CAMK2A: variants seen among roughly 807,000 people sequenced by gnomAD.
The protein encoded by CAMK2A is calcium/calmodulin-dependent protein kinase type II subunit alpha.
In CAMK2A, 7 loss-of-function variants were observed where a neutral mutation model predicts 79.2. The ratio of observed to expected loss-of-function variants is 0.09; its 90% CI spans 0.05 to 0.17. CAMK2A has a LOEUF of 0.17. CAMK2A is among the 10% of genes least tolerant of loss of function. The pLI, the probability that CAMK2A is intolerant of heterozygous loss-of-function variation, is 1.00. For missense variants in CAMK2A, 214 were observed against 646.4 expected (o/e 0.33, Z 7.25); for synonymous variants, 242 against 251.7 (o/e 0.96, Z 0.36).
At chr5:150,253,651 C>CCCGGCCCT in intron 6 of CAMK2A, 105 bp from the exon 7 acceptor site, 1 of 996,246 alleles carries the variant, frequency 1.0e-6, no homozygotes, top group Non-Finnish European at 1.6e-6. Flanking sequence ...GGAAGAACAG[C>CCCGGCCCT]CCGGCCCTCC....
intron 1 of CAMK2A, among the ~76,000 whole-genome samples, chr5:150,283,394 A>T (rs1330528885): frequency 2.0e-5 from 3 of 152,102 alleles, no homozygotes; most frequent in Non-Finnish European, 4.4e-5. Context: ...TTTAAGATAG[A>T]GACAAGGTCT....
rs186348077 is a variant in CAMK2A at position 150,250,778 on chromosome 5, C to T, written c.726G>A (p.Pro242=). The change falls in exon 10 of 19, where the codon CCG becomes CCA. Residue 242 remains proline, a synonymous_variant. Coordinates refer to ENST00000671881, the MANE Select transcript of CAMK2A (RefSeq NM_015981.4). ...FPSPEWDTVT[P]EAKDLINKML... ...TCTTATTGATCAGATCCTTGGCTTCCGGGGTGACAGTGTCCCATTCCGGCG... is the reference window on the plus strand; with the variant it reads ...TCTTATTGATCAGATCCTTGGCTTCTGGGGTGACAGTGTCCCATTCCGGCG... The T allele has an allele frequency of 6.3e-5, 101 of 1,614,040 alleles. 1 individual carries two copies. In the East Asian group the frequency reaches 1.3e-3, roughly 21 times the overall value.
chr5:150,222,461 C>T lies in CAMK2A; in HGVS notation c.*249G>A. ...GGGGCCAGTGCTGTGGACACCCATG[C>T]CTGAGGAAGCCCCAGCCTGGCAGGG... On this transcript the variant is annotated 3_prime_UTR_variant, in exon 19 of 19. Coordinates refer to ENST00000671881, the MANE Select transcript of CAMK2A (RefSeq NM_015981.4). The T allele has an allele frequency of 1.4e-6, 1 of 701,210 alleles. No individual in the cohort carries two copies. Among genetic ancestry groups the T allele is most frequent in the South Asian group, 1.5e-5 (1 of 67,168 alleles). 43.4% of individuals were successfully genotyped at this position (701,210 alleles called of 1,614,324 possible). A position where few individuals can be genotyped will look rare whatever the true frequency, so the allele number is the denominator to read the frequency against.
chr5:150,235,438 A>G (rs982312173), intron 15 of CAMK2A, among the ~76,000 whole-genome samples: 2 of 152,260 alleles, frequency 1.3e-5, no homozygotes, highest in Non-Finnish European at 2.9e-5. Flanking sequence ...GCTCCCCTAC[A>G]GATGGGAAAG....
chr5:150,261,064 G>A (rs1487421683), intron 3 of CAMK2A, among the ~76,000 whole-genome samples: 4 of 148,406 alleles, frequency 2.7e-5, no homozygotes, highest in Non-Finnish European at 4.5e-5. Flanking sequence ...CTGACCCAGG[G>A]CCTCAGCCCC....
At chr5:150,239,815 G>C in intron 13 of CAMK2A, 79 bp from the exon 14 acceptor site, 1 of 1,256,656 alleles carries the variant, frequency 8.0e-7, no homozygotes, top group Non-Finnish European at 1.2e-6. Context: ...CGACAGGGGA[G>C]GTTTGGGAGG....
At chr5:150,283,333 C>T (rs1396407735) in intron 1 of CAMK2A, among the ~76,000 whole-genome samples, 1 of 152,186 alleles carries the variant, frequency 6.6e-6, no homozygotes, top group East Asian at 1.9e-4. Flanking sequence ...CACTCTTCCA[C>T]CCTCTTCCCT....
In CAMK2A at chr5:150,223,044, C is replaced by T; in HGVS notation, c.1411G>A (p.Gly471Ser). 3.1e-6 allele frequency: 5 copies of T among 1,614,244 alleles called. No homozygotes were observed. Among genetic ancestry groups the T allele is most frequent in the Non-Finnish European group, 4.2e-6 (5 of 1,180,046 alleles). The part of the protein sequence containing the change: ...EETRVWHRRD[G>S]KWQIVHFHRS... The stretch of plus-strand genomic sequence containing the variant: ...TGGAAGTGGACGATCTGCCATTTGC[C>T]ATCCCGGCGGTGCCAGACACGGGTC... The change falls in exon 18 of 19, where the codon GGC becomes AGC. Residue 471 changes from glycine to serine, a missense_variant. By Grantham distance (56) the Gly-to-Ser change is moderately conservative. Coordinates refer to ENST00000671881, the MANE Select transcript of CAMK2A (RefSeq NM_015981.4). The surrounding 1 kb of genome is among the most constrained non-coding windows in gnomAD (Gnocchi z 4.1).
Position 150,221,179 on chromosome 5 carries a change from G to C in CAMK2A, c.*1531C>G, listed in dbSNP as rs529658277. The C allele has an allele frequency of 2.8e-6, 1 of 351,930 alleles. No homozygotes were observed. Among genetic ancestry groups the C allele is most frequent in the Non-Finnish European group, 5.1e-6 (1 of 197,330 alleles). 21.8% of individuals were successfully genotyped at this position (351,930 alleles called of 1,614,324 possible). On this transcript the variant is annotated 3_prime_UTR_variant, in exon 19 of 19. Transcript: ENST00000671881. ...TTTTGTTGAGTGTTTTCTTCTTTTT[G>C]TTTGTTTTCAACATACTTACTGCGT...
intron 2 of CAMK2A, among the ~76,000 whole-genome samples, chr5:150,267,110 G>A (rs1756544969): frequency 6.6e-6 from 1 of 152,214 alleles, no homozygotes; most frequent in Admixed American, 6.5e-5. Flanking sequence ...GCCAAGTTGG[G>A]GGGCATCCCT....
intron 13 of CAMK2A, among the ~76,000 whole-genome samples, chr5:150,244,197 G>A (rs942269482): frequency 6.6e-6 from 1 of 152,220 alleles, no homozygotes; most frequent in Non-Finnish European, 1.5e-5. Context: ...CAAGCTGGGA[G>A]GAGAAGGCTA....
intron 11 of CAMK2A, 121 bp downstream of exon 11, chr5:150,250,105 T>C (rs1321202586): frequency 2.7e-6 from 2 of 735,356 alleles, no homozygotes; most frequent in East Asian, 5.5e-5. Context: ...GCAGTAGGTG[T>C]TCAATAAATG....
intron 1 of CAMK2A, among the ~76,000 whole-genome samples, chr5:150,280,397 G>A (rs1394473440): frequency 6.6e-6 from 1 of 152,012 alleles, no homozygotes; most frequent in Non-Finnish European, 1.5e-5. Flanking sequence ...CTTCCTTCCA[G>A]AAAAATAAAA....
At chr5:150,225,196 T>C (rs1404896224) in intron 17 of CAMK2A, among the ~76,000 whole-genome samples, 1 of 151,946 alleles carries the variant, frequency 6.6e-6, no homozygotes, top group East Asian at 1.9e-4. Context: ...GAGCTTAGCA[T>C]TGCTGGGGGC....
At chr5:150,224,822 C>T (rs981439254) in intron 17 of CAMK2A, among the ~76,000 whole-genome samples, 6 of 151,548 alleles carry the variant, frequency 4.0e-5, no homozygotes, top group Middle Eastern at 3.4e-3. Context: ...CAATCTGACT[C>T]GTCCCAAGCT....
At chr5:150,270,032 A>T (rs1229057319) in intron 2 of CAMK2A, among the ~76,000 whole-genome samples, 1 of 152,050 alleles carries the variant, frequency 6.6e-6, no homozygotes, top group Non-Finnish European at 1.5e-5. Flanking sequence ...CAGGCCAGTC[A>T]CCTCTAGCTG....
Position 150,253,559 on chromosome 5 carries a change from A to G in CAMK2A, c.412-13T>C, listed in dbSNP as rs1458713828. 8 of 1,605,886 alleles carry G rather than the reference A, an allele frequency of 5.0e-6. No individual in the cohort carries two copies. The highest frequency in any genetic ancestry group is 6.8e-6 in the Non-Finnish European group (8 of 1,172,428). ...ACAGATTCTCAGGCTTGTCAGGACC[A>G]GAGAAGAGGGAGGAAGGGGAGGAAA... On this transcript the variant is annotated splice_polypyrimidine_tract_variant and intron_variant, in intron 6 of 18. Transcript: ENST00000671881.
At chr5:150,278,350 T>A (rs1261153392) in intron 1 of CAMK2A, among the ~76,000 whole-genome samples, 1 of 150,902 alleles carries the variant, frequency 6.6e-6, no homozygotes, top group African/African-American at 2.4e-5. Flanking sequence ...TCGGCAGCCC[T>A]AACTTCCTCC....
Position 150,231,432 on chromosome 5 carries a change from A to G in CAMK2A, c.1067-52T>C, listed in dbSNP as rs1754837071. On this transcript the variant is annotated intron_variant, in intron 15 of 18. Transcript: ENST00000671881. Reference sequence around the variant, plus strand: ...TAATAATAATAATAATAATAATAATAATAATAATAATAGTGATGGTAATGA... The same window carrying G: ...TAATAATAATAATAATAATAATAATGATAATAATAATAGTGATGGTAATGA... 5 of 707,872 alleles carry G rather than the reference A, an allele frequency of 7.1e-6. 1 individual carries two copies. In the East Asian group the frequency reaches 1.4e-4, roughly 19 times the overall value. The allele number at this position is 707,872 out of a possible 1,614,324, so 43.8% of individuals were successfully genotyped here. A position where few individuals can be genotyped will look rare whatever the true frequency, so the allele number is the denominator to read the frequency against.
Sources: allele counts gnomAD v4.1 joint callset (sites outside exome capture counted in the v4.1 genomes callset), GRCh38; gene constraint gnomAD v4.1.1; non-coding constraint Gnocchi (gnomAD v3.1); transcripts MANE v1.5; gene names NCBI Gene and HGNC (gene_info 2026-07-23, HGNC 2026-07-21).